The following KDM7A variants were observed in gnomAD, a reference collection of about 807,000 sequenced individuals.
KDM7A encodes lysine-specific demethylase 7A.
In KDM7A, 28 loss-of-function variants were observed where a neutral mutation model predicts 114.8. The ratio of observed to expected loss-of-function variants is 0.24; its 90% CI spans 0.18 to 0.33. KDM7A has a LOEUF of 0.33. KDM7A is among the 10% of genes least tolerant of loss of function. The pLI, the probability that KDM7A is intolerant of heterozygous loss-of-function variation, is 1.00. For synonymous variants in KDM7A, 423 were observed against 397.8 expected (o/e 1.06, Z -0.75); for missense variants, 942 against 1,142.5 (o/e 0.82, Z 2.53).
intron 2 of KDM7A, among the ~76,000 whole-genome samples, chr7:140,135,061 CA>C (rs1818845838): frequency 6.8e-6 from 1 of 146,824 alleles, no homozygotes. Flanking sequence ...AACAAACTCA[CA>C]AAAATTTAGA....
At chr7:140,165,994 C>T (rs1025793498) in intron 1 of KDM7A, among the ~76,000 whole-genome samples, 2 of 152,164 alleles carry the variant, frequency 1.3e-5, no homozygotes, top group African/African-American at 4.8e-5. Context: ...CCTTTTACTA[C>T]GGTACACTGT....
At chr7:140,136,676 T>C (rs1818875686) in intron 2 of KDM7A, among the ~76,000 whole-genome samples, 1 of 152,166 alleles carries the variant, frequency 6.6e-6, no homozygotes. Flanking sequence ...TAAGGACTCC[T>C]AGGGAATCTC....
intron 12 of KDM7A, among the ~76,000 whole-genome samples, chr7:140,100,736 A>ACACATATG (rs1818208290): frequency 1.7e-5 from 1 of 58,782 alleles, no homozygotes; most frequent in African/African-American, 6.9e-5. Context: ...ATATATATAT[A>ACACATATG]TATATACATA....
intron 1 of KDM7A, among the ~76,000 whole-genome samples, chr7:140,140,939 T>C (rs1279759985): frequency 6.6e-6 from 1 of 151,934 alleles, no homozygotes; most frequent in Non-Finnish European, 1.5e-5. Context: ...AAAGAATCTA[T>C]AGAGAAATCA....
At chr7:140,103,363 TGCA>T (rs992061786) in intron 11 of KDM7A, among the ~76,000 whole-genome samples, 1 of 152,130 alleles carries the variant, frequency 6.6e-6, no homozygotes, top group Non-Finnish European at 1.5e-5. Context: ...GTGCACAACG[TGCA>T]GATTTGTTAC....
intron 1 of KDM7A, among the ~76,000 whole-genome samples, chr7:140,169,145 T>C (rs1794610633): frequency 6.6e-6 from 1 of 151,970 alleles, no homozygotes; most frequent in African/African-American, 2.4e-5. Context: ...GACACGAAAA[T>C]CATACAAGTT....
At chr7:140,127,916 T>C (rs867011016) in intron 4 of KDM7A, among the ~76,000 whole-genome samples, 1 of 152,224 alleles carries the variant, frequency 6.6e-6, no homozygotes, top group Non-Finnish European at 1.5e-5. Context: ...TATTGGCATG[T>C]AGAAATTGTG....
chr7:140,175,910 G>A (rs950407145), intron 1 of KDM7A, among the ~76,000 whole-genome samples: 5 of 152,128 alleles, frequency 3.3e-5, no homozygotes, highest in Non-Finnish European at 7.4e-5. Context: ...GCCGCGGCGC[G>A]AGGGCAACGC....
intron 1 of KDM7A, among the ~76,000 whole-genome samples, chr7:140,146,629 G>C (rs1159250432): frequency 6.6e-6 from 1 of 152,184 alleles, no homozygotes; most frequent in Non-Finnish European, 1.5e-5. Flanking sequence ...TAGCTTATTA[G>C]ACCACTTTGT....
chr7:140,091,657 T>A, intron 19 of KDM7A, 147 bp downstream of exon 19: 2 of 867,006 alleles, frequency 2.3e-6, no homozygotes, highest in East Asian at 4.9e-5. Context: ...TTTGTTCCTG[T>A]AGTAGCCTGT....
rs1386970153 is a variant in KDM7A, at chr7:140,100,669, TATATATATATAC to T, written c.1639-658_1639-647del. ...AAAATATTTTAAAAAGTTATATATA[TATATATATATAC>T]ATATATACATATATATATATATATA... On this transcript the variant is annotated intron_variant, in intron 12 of 19. Transcript: ENST00000397560. Among the ~76,000 whole-genome samples, 162 of 44,372 alleles carry T rather than the reference TATATATATATAC, an allele frequency of 3.7e-3. 1 individual carries two copies. Among genetic ancestry groups the T allele is most frequent in the Middle Eastern group, 9.8e-3 (1 of 102 alleles). 29.1% of individuals were successfully genotyped at this position (44,372 alleles called of 152,430 possible).
In KDM7A at chr7:140,176,252, C is replaced by T. The variant is rs2116868584; in HGVS notation, c.194+492G>A. Among the ~76,000 whole-genome samples, 1 of 150,896 alleles carries T rather than the reference C, an allele frequency of 6.6e-6. No homozygotes were observed. The highest frequency in any genetic ancestry group is 2.0e-4 in the East Asian group (1 of 4,908). On this transcript the variant is annotated intron_variant, in intron 1 of 19. Coordinates refer to ENST00000397560, the MANE Select transcript of KDM7A (RefSeq NM_030647.2). This position sits in a 1 kb window ranked among gnomAD's most constrained non-coding sequence, Gnocchi z 4.4. ...CCCGCGGCGCGGAGGAGACGCGGGG[C>T]CGGGGCGACCCCATCGCCGCCCGGA...
At position 140,090,787 on chromosome 7, in the gene KDM7A, C is replaced by T; in HGVS notation, c.*307G>A. ...AATTATTGATAATTCTTTACCCTAC[C>T]ACTGAAAATACATCAAGACACTACC... On this transcript the variant is annotated 3_prime_UTR_variant, in exon 20 of 20. Transcript: ENST00000397560. 1 of 318,584 alleles carries T rather than the reference C, an allele frequency of 3.1e-6. No homozygotes were observed. Among genetic ancestry groups the T allele is most frequent in the Non-Finnish European group, 5.7e-6 (1 of 176,040 alleles). 19.7% of individuals were successfully genotyped at this position (318,584 alleles called of 1,614,324 possible).
chr7:140,103,918 G>C (rs1322047819), intron 11 of KDM7A, among the ~76,000 whole-genome samples: 1 of 152,176 alleles, frequency 6.6e-6, no homozygotes, highest in Admixed American at 6.5e-5. Context: ...CTAGTTTACA[G>C]TCACAACAAC....
At chr7:140,159,945 T>TA (rs71520071) in intron 1 of KDM7A, among the ~76,000 whole-genome samples, 39,429 of 123,900 alleles carry the variant, frequency 0.32, 6,297 homozygotes, top group Middle Eastern at 0.41. Flanking sequence ...TGACTTCCAT[T>TA]AAAAAAAAAA....
intron 6 of KDM7A, 21 bp downstream of exon 6, chr7:140,126,616 C>CA: frequency 6.6e-7 from 1 of 1,520,756 alleles, no homozygotes; most frequent in Non-Finnish European, 8.9e-7. Flanking sequence ...AGTGAGAGAA[C>CA]AAAAAATACC....
At chr7:140,124,923 A>T in intron 6 of KDM7A, 140 bp from the exon 7 acceptor site, 1 of 614,448 alleles carries the variant, frequency 1.6e-6, no homozygotes. Context: ...GACATATTTC[A>T]CACACCTGAT....
In KDM7A at chr7:140,147,591, T is replaced by A. The variant is rs1250999333; in HGVS notation, c.195-8401A>T. ...TTCTTCACTGTGACATGTGACATAA[T>A]CAGAGGACTGAGTCATTGTGTACCC... On this transcript the variant is annotated intron_variant, in intron 1 of 19. Transcript: ENST00000397560. Among the ~76,000 whole-genome samples the A allele has an allele frequency of 2.0e-5, 3 of 152,142 alleles. No homozygotes were observed. The South Asian group carries it at 6.2e-4, about 32-fold the overall frequency.
intron 1 of KDM7A, among the ~76,000 whole-genome samples, chr7:140,142,096 A>C (rs1476593829): frequency 7.5e-6 from 1 of 133,166 alleles, no homozygotes; most frequent in Non-Finnish European, 1.7e-5. Context: ...AAGGAAGCAA[A>C]ATAAAATTAT....
Sources: gnomAD v4.1 joint callset for allele counts (sites outside exome capture counted in the v4.1 genomes callset) on GRCh38, gnomAD v4.1.1 for gene constraint, Gnocchi (gnomAD v3.1) non-coding constraint, MANE v1.5 for transcripts, NCBI Gene and HGNC (gene_info 2026-07-23, HGNC 2026-07-21) for gene names.